Variants in KDM1A observed in about 807,000 individuals in gnomAD.
KDM1A encodes the protein lysine demethylase 1A, also known as lysine-specific histone demethylase 1A.
In KDM1A, 49 loss-of-function variants were observed where a neutral mutation model predicts 109.4. The observed-to-expected ratio is 0.45, with a 90% confidence interval of 0.36 to 0.57. The LOEUF is 0.57. Ranked by LOEUF, KDM1A falls within the 20% of genes least tolerant of loss-of-function variation. The pLI is 0.00. For missense variants in KDM1A, 668 were observed against 1,116.6 expected, an observed-to-expected ratio of 0.60 and a Z score of 5.73; for synonymous variants, 380 against 415.4, an observed-to-expected ratio of 0.91 and a Z score of 1.04.
At chr1:23,069,503 T>TA (rs954543564) in intron 12 of KDM1A, among the ~76,000 whole-genome samples, 9 of 151,928 alleles carry the variant, frequency 5.9e-5, no homozygotes, top group Non-Finnish European at 1.3e-4. Flanking sequence ...CTAATGAGCT[T>TA]AAAAAAAATG....
At chr1:23,083,102 T>TAAG (rs2124559481) in intron 20 of KDM1A, 77 bp from the exon 21 acceptor site, 2 of 1,355,224 alleles carry the variant, frequency 1.5e-6, no homozygotes, top group African/African-American at 1.4e-5. Flanking sequence ...AACAGCAATT[T>TAAG]AAGTACTTAG....
chr1:23,028,918 C>G (rs1440405041), intron 1 of KDM1A, among the ~76,000 whole-genome samples: 3 of 152,060 alleles, frequency 2.0e-5, no homozygotes, highest in African/African-American at 7.2e-5. Context: ...ATTGTTTTCT[C>G]CATTGTACCA....
At chr1:23,063,861 G>C (rs1159548458) in intron 9 of KDM1A, among the ~76,000 whole-genome samples, 1 of 152,088 alleles carries the variant, frequency 6.6e-6, no homozygotes, top group Non-Finnish European at 1.5e-5. Context: ...GGAGTGGGGG[G>C]AAGACAACAG....
At chr1:23,032,727 C>G (rs1490233733) in intron 2 of KDM1A, among the ~76,000 whole-genome samples, 1 of 152,076 alleles carries the variant, frequency 6.6e-6, no homozygotes, top group Non-Finnish European at 1.5e-5. Context: ...TGTAGTTTAG[C>G]AATAGATTGG....
chr1:23,039,790 A>G (rs935271964), intron 2 of KDM1A, among the ~76,000 whole-genome samples: 1 of 152,240 alleles, frequency 6.6e-6, no homozygotes, highest in Non-Finnish European at 1.5e-5. Flanking sequence ...AGACTGTGTC[A>G]GCTTCTCGTT....
chr1:23,064,367 C>G (rs1643102503), intron 9 of KDM1A, among the ~76,000 whole-genome samples: 1 of 152,208 alleles, frequency 6.6e-6, no homozygotes, highest in African/African-American at 2.4e-5. Context: ...TACCATAATT[C>G]TAGAAGTGCT....
At chr1:23,050,213 G>A (rs979186576) in intron 3 of KDM1A, among the ~76,000 whole-genome samples, 174 bp from the exon 4 acceptor site, 4 of 152,266 alleles carry the variant, frequency 2.6e-5, no homozygotes, top group African/African-American at 7.2e-5. Context: ...TATAAACTTT[G>A]GAATGTTAAG....
chr1:23,033,907 A>C (rs139073986), intron 2 of KDM1A, among the ~76,000 whole-genome samples: 1 of 152,354 alleles, frequency 6.6e-6, no homozygotes, highest in African/African-American at 2.4e-5. Flanking sequence ...CGTGAACTAA[A>C]GGAGTAAAGA....
At chr1:23,082,073 A>G in intron 19 of KDM1A, 147 bp from the exon 20 acceptor site, 1 of 744,320 alleles carries the variant, frequency 1.3e-6, no homozygotes. Flanking sequence ...GTTTTAAAGC[A>G]GGCATTCATC....
At chr1:23,071,773 T>G (rs549028625) in intron 13 of KDM1A, among the ~76,000 whole-genome samples, 1 of 152,188 alleles carries the variant, frequency 6.6e-6, no homozygotes, top group Non-Finnish European at 1.5e-5. Flanking sequence ...TTGTGAAGCT[T>G]AAATAAAATT....
In KDM1A at chr1:23,030,469, G is replaced by T; in HGVS notation, c.352G>T (p.Val118Leu). ...RRTSRRKRAKVEYREMDESLA... is the reference protein window; with the variant it reads ...RRTSRRKRAKLEYREMDESLA... Reference sequence around the variant, plus strand: ...TTTCCCTGGTATGATCTCCATATAGGTAGAGTACAGAGAGATGGATGAAAG... The same window carrying T: ...TTTCCCTGGTATGATCTCCATATAGTTAGAGTACAGAGAGATGGATGAAAG... The change falls in exon 2 of 21, where the codon GTA becomes TTA. Residue 118 changes from valine to leucine, a missense_variant and splice_region_variant. Around this residue, in one of 8 missense-constraint regions of KDM1A, gnomAD observed 15 missense variants for 52.7 expected, o/e 0.28. Transcript: ENST00000400181. 1 of 1,566,204 alleles carries T rather than the reference G, an allele frequency of 6.4e-7. No individual in the cohort carries two copies. The highest frequency in any genetic ancestry group is 8.6e-7 in the Non-Finnish European group (1 of 1,163,334).
In KDM1A at chr1:23,079,257, C is replaced by A; in HGVS notation, c.2055+80C>A. ...CGTTGTTTACTTGGTGAGGAGGTGG[C>A]CTTGCATTTTTGGGCATTTGGCTAT... On this transcript the variant is annotated intron_variant, in intron 17 of 20. Coordinates refer to ENST00000400181, the MANE Select transcript of KDM1A (RefSeq NM_001009999.3). This position sits in a 1 kb window ranked among gnomAD's most constrained non-coding sequence, Gnocchi z 5.6. 1.4e-6 allele frequency: 2 copies of A among 1,467,878 alleles called. No homozygotes were observed. The highest frequency in any genetic ancestry group is 1.8e-6 in the Non-Finnish European group (2 of 1,081,096). 90.9% of individuals were successfully genotyped at this position (1,467,878 alleles called of 1,614,324 possible). A position where few individuals can be genotyped will look rare whatever the true frequency, so the allele number is the denominator to read the frequency against.
At chr1:23,026,273 T>G (rs1299086990) in intron 1 of KDM1A, among the ~76,000 whole-genome samples, 1 of 152,172 alleles carries the variant, frequency 6.6e-6, no homozygotes, top group Non-Finnish European at 1.5e-5. Flanking sequence ...ATTTTTATTT[T>G]TTGTGGTACA....
chr1:23,044,228 A>G (rs1459228788), intron 2 of KDM1A, 199 bp from the exon 3 acceptor site: 3 of 519,354 alleles, frequency 5.8e-6, no homozygotes, highest in Non-Finnish European at 1.1e-5. Context: ...ATCAACATGT[A>G]AAGTTGAAAC....
intron 1 of KDM1A, among the ~76,000 whole-genome samples, chr1:23,029,521 T>C (rs1641912596): frequency 6.6e-6 from 1 of 152,384 alleles, no homozygotes; most frequent in South Asian, 2.1e-4. Context: ...ACACATTCAC[T>C]AAGACTGCTT....
At chr1:23,080,858 C>G (rs1413574242) in intron 18 of KDM1A, 4 of 152,286 alleles carry the variant, frequency 2.6e-5, no homozygotes, top group Admixed American at 2.6e-4. Flanking sequence ...TTCCGTGTAG[C>G]CTACGTTTTT....
At chr1:23,030,720 G>T in intron 2 of KDM1A, 86 bp downstream of exon 2, 1 of 1,353,842 alleles carries the variant, frequency 7.4e-7, no homozygotes, top group Non-Finnish European at 1.0e-6. Flanking sequence ...TATTATTTAT[G>T]TCTTTATCTT....
chr1:23,068,933 C>A, intron 11 of KDM1A, 128 bp from the exon 12 acceptor site: 2 of 656,986 alleles, frequency 3.0e-6, no homozygotes, highest in Non-Finnish European at 5.1e-6. Context: ...TTCCAACTAG[C>A]CAACTTTCTT....
At chr1:23,037,647 T>C (rs1366199577) in intron 2 of KDM1A, among the ~76,000 whole-genome samples, 1 of 152,228 alleles carries the variant, frequency 6.6e-6, no homozygotes, top group African/African-American at 2.4e-5. Context: ...TCTCAGAAGC[T>C]GTTTTTAAAT....
Sources: gnomAD v4.1 joint callset for allele counts (sites outside exome capture counted in the v4.1 genomes callset) on GRCh38, gnomAD v4.1.1 for gene constraint, gnomAD v4.1.1 regional missense constraint, Gnocchi (gnomAD v3.1) non-coding constraint, MANE v1.5 for transcripts, NCBI Gene and HGNC (gene_info 2026-07-23, HGNC 2026-07-21) for gene names.